DLGAP1: variants seen among roughly 807,000 people sequenced by gnomAD.
The protein encoded by DLGAP1 is disks large-associated protein 1.
A neutral mutation model predicts 90.8 loss-of-function variants in DLGAP1; 11 were observed. The observed-to-expected ratio is 0.12, with a 90% CI of 0.08 to 0.20. DLGAP1 has a LOEUF of 0.20. DLGAP1 is among the 10% of genes least tolerant of loss of function. The pLI is 1.00. For synonymous variants in DLGAP1, 558 were observed against 540.7 expected (o/e 1.03, Z -0.44); for missense variants, 1,050 against 1,333.8 (o/e 0.79, Z 3.31).
chr18:3,632,750 A>C (rs1300947952), intron 7 of DLGAP1, among the ~76,000 whole-genome samples: 1 of 152,170 alleles, frequency 6.6e-6, no homozygotes, highest in East Asian at 1.9e-4. Flanking sequence ...TGGCCTAGAA[A>C]AAGTCTTTTT....
At chr18:4,006,453 T>A (rs2074301843) in intron 2 of DLGAP1, among the ~76,000 whole-genome samples, 1 of 152,230 alleles carries the variant, frequency 6.6e-6, no homozygotes, top group African/African-American at 2.4e-5. Context: ...CACTCTGTTC[T>A]CACCAACGAG....
At chr18:3,741,309 TCACCACCACCACCACCACCATCACCAC>T (rs1568050383) in intron 6 of DLGAP1, among the ~76,000 whole-genome samples, 3 of 47,192 alleles carry the variant, frequency 6.4e-5, no homozygotes, top group Non-Finnish European at 3.9e-5. Context: ...CCACATCACA[TCACCACCACCACCACCACCATCACCAC>T]CACCACCACC....
rs2079109462 is a variant in DLGAP1, at chr18:4,265,658, TCCC to T, written c.-266-114374_-266-114372del. The stretch of plus-strand genomic sequence containing the variant: ...CCCTCCCCTTCCCTCCCTCCCTCCC[TCCC>T]TCCCTTCCTTCCTTCCTTCCTTCCT... On this transcript the variant is annotated intron_variant, in intron 1 of 12. Coordinates refer to ENST00000315677, the MANE Select transcript of DLGAP1 (RefSeq NM_004746.4). Among the ~76,000 whole-genome samples, 11 of 45,966 alleles carry T rather than the reference TCCC, an allele frequency of 2.4e-4. 1 individual carries two copies. The highest frequency in any genetic ancestry group is 3.6e-4 in the Non-Finnish European group (11 of 30,786). 30.2% of individuals were successfully genotyped at this position (45,966 alleles called of 152,430 possible).
At chr18:3,955,781 G>GA in intron 3 of DLGAP1, among the ~76,000 whole-genome samples, 1 of 151,812 alleles carries the variant, frequency 6.6e-6, no homozygotes, top group Non-Finnish European at 1.5e-5. Context: ...CATCTAGAGA[G>GA]AAAACTAGTA....
intron 3 of DLGAP1, among the ~76,000 whole-genome samples, chr18:3,957,825 C>A (rs567389029): frequency 6.6e-6 from 1 of 151,866 alleles, no homozygotes; most frequent in East Asian, 1.9e-4. Flanking sequence ...GTATGGGAAT[C>A]CTAAAGTGTG....
intron 1 of DLGAP1, among the ~76,000 whole-genome samples, chr18:4,369,170 T>C (rs1004417849): frequency 3.9e-5 from 6 of 152,230 alleles, no homozygotes; most frequent in African/African-American, 1.4e-4. Flanking sequence ...TACTCTTCAG[T>C]TGAAATAACT....
intron 7 of DLGAP1, among the ~76,000 whole-genome samples, chr18:3,709,024 T>C (rs1215617862): frequency 6.6e-6 from 1 of 152,236 alleles, no homozygotes; most frequent in Non-Finnish European, 1.5e-5. Context: ...AGTCTATTTG[T>C]TTAGTTAATT....
intron 4 of DLGAP1, among the ~76,000 whole-genome samples, chr18:3,866,194 G>A (rs1017161334): frequency 6.6e-6 from 1 of 152,060 alleles, no homozygotes; most frequent in Non-Finnish European, 1.5e-5. Context: ...TGAAGGGCAG[G>A]GCACCAGGGC....
At chr18:4,032,951 CAGAA>C (rs1568361788) in intron 2 of DLGAP1, among the ~76,000 whole-genome samples, 1 of 151,968 alleles carries the variant, frequency 6.6e-6, no homozygotes, top group Non-Finnish European at 1.5e-5. Flanking sequence ...GAATTAATGA[CAGAA>C]AGCATGAATA....
Position 3,623,902 on chromosome 18 carries a change from G to A in DLGAP1, c.1592-41654C>T, listed in dbSNP as rs549019935. Among the ~76,000 whole-genome samples, 4 of 152,154 alleles carry A rather than the reference G, an allele frequency of 2.6e-5. No homozygotes were observed. The South Asian group carries it at 8.3e-4, about 32-fold the overall frequency. ...GGATGTGGCCGGTCCCCGTGCGGAT[G>A]CCCGTTTCCCCTCCTGCCTGCATTC... is the stretch of plus-strand genomic sequence containing the variant. On this transcript the variant is annotated intron_variant, in intron 7 of 12. Transcript: ENST00000315677.
chr18:4,273,274 T>A (rs1169892502), intron 1 of DLGAP1, among the ~76,000 whole-genome samples: 3 of 152,160 alleles, frequency 2.0e-5, no homozygotes, highest in Non-Finnish European at 2.9e-5. Flanking sequence ...TCTTAAACCC[T>A]CCATGCACCC....
intron 1 of DLGAP1, among the ~76,000 whole-genome samples, chr18:4,396,748 G>A (rs2082451033): frequency 6.6e-6 from 1 of 152,206 alleles, no homozygotes; most frequent in Admixed American, 6.5e-5. Context: ...TGAGCCAGAA[G>A]GAGGGATGAG....
intron 7 of DLGAP1, among the ~76,000 whole-genome samples, chr18:3,589,829 T>C (rs1273667766): frequency 6.6e-6 from 1 of 152,210 alleles, no homozygotes; most frequent in Non-Finnish European, 1.5e-5. Context: ...CTTGGTCCAC[T>C]GTCTAAAATC....
At chr18:3,615,926 T>C (rs1382995808) in intron 7 of DLGAP1, among the ~76,000 whole-genome samples, 2 of 152,218 alleles carry the variant, frequency 1.3e-5, no homozygotes, top group Non-Finnish European at 2.9e-5. Flanking sequence ...GAGGTTTCTA[T>C]AAAGTTGGCC....
At chr18:4,068,694 T>A (rs6506172) in intron 2 of DLGAP1, among the ~76,000 whole-genome samples, 2 of 151,990 alleles carry the variant, frequency 1.3e-5, no homozygotes, top group Non-Finnish European at 2.9e-5. Flanking sequence ...TTTGGAATCA[T>A]AGGGACCTGA....
At chr18:3,739,283 C>A (rs2062797099) in intron 6 of DLGAP1, among the ~76,000 whole-genome samples, 1 of 151,032 alleles carries the variant, frequency 6.6e-6, no homozygotes, top group Non-Finnish European at 1.5e-5. Context: ...TGGGTATATA[C>A]CCAAAGGACT....
At chr18:4,267,212 A>C (rs367585207) in intron 1 of DLGAP1, among the ~76,000 whole-genome samples, 3,864 of 152,092 alleles carry the variant, frequency 0.025, 101 homozygotes, top group African/African-American at 0.063. Context: ...CTATCTACCT[A>C]TCTAATGAGC....
chr18:4,411,299 C>A (rs1396317314), intron 1 of DLGAP1, among the ~76,000 whole-genome samples: 2 of 152,190 alleles, frequency 1.3e-5, no homozygotes, highest in Admixed American at 1.3e-4. Flanking sequence ...CAGTAGAGAA[C>A]TGATAGCCCC....
chr18:4,139,376 C>T (rs915236332), intron 2 of DLGAP1, among the ~76,000 whole-genome samples: 1 of 151,936 alleles, frequency 6.6e-6, no homozygotes, highest in Non-Finnish European at 1.5e-5. Flanking sequence ...TTCTTCATGA[C>T]CCACTGGTCA....
Sources: allele counts gnomAD v4.1 joint callset (sites outside exome capture counted in the v4.1 genomes callset), GRCh38; gene constraint gnomAD v4.1.1; transcripts MANE v1.5; gene names NCBI Gene and HGNC (gene_info 2026-07-23, HGNC 2026-07-21).